ERICH1: variants seen among roughly 807,000 people sequenced by gnomAD.
ERICH1 encodes the protein glutamate rich 1.
In ERICH1, 56 loss-of-function variants were observed where a neutral mutation model predicts 39.6. The observed-to-expected ratio is 1.41, with a 90% CI of 1.14 to 1.77. The LOEUF (loss-of-function observed/expected upper bound fraction) is 1.77, where lower values mean the gene tolerates loss of function less well. ERICH1 is among the 40% of genes most tolerant of loss of function. The probability of loss-of-function intolerance (pLI) is 0.00; values close to 1 mark genes in which losing one functional copy is unlikely to be tolerated. For synonymous variants in ERICH1, 313 were observed against 223.6 expected, an observed-to-expected ratio of 1.40 and a Z score of -3.57; for missense variants, 826 against 575.4, an observed-to-expected ratio of 1.44 and a Z score of -4.45.
At chr8:681,799 G>A (rs1340172531) in intron 3 of ERICH1, among the ~76,000 whole-genome samples, 1 of 152,190 alleles carries the variant, frequency 6.6e-6, no homozygotes, top group African/African-American at 2.4e-5. Context: ...CTGAGCCTTC[G>A]TCAGGCTCCG....
intron 3 of ERICH1, among the ~76,000 whole-genome samples, chr8:622,838 G>A (rs1208909740): frequency 1.3e-5 from 2 of 152,020 alleles, no homozygotes; most frequent in East Asian, 1.9e-4. Context: ...CACACCTGTG[G>A]TCCCAGCAGC....
intron 3 of ERICH1, among the ~76,000 whole-genome samples, chr8:682,510 C>G (rs1472876604): frequency 6.6e-6 from 1 of 152,188 alleles, no homozygotes; most frequent in Non-Finnish European, 1.5e-5. Flanking sequence ...TCCAGAGACT[C>G]CAGAATGTCC....
chr8:670,304 C>T (rs1031890491), intron 4 of ERICH1, among the ~76,000 whole-genome samples: 11 of 151,352 alleles, frequency 7.3e-5, no homozygotes, highest in Admixed American at 4.0e-4. Context: ...CTGATAACAT[C>T]GGCCTCTCCC....
chr8:623,200 C>G (rs1224453261), intron 3 of ERICH1, among the ~76,000 whole-genome samples: 1 of 152,116 alleles, frequency 6.6e-6, no homozygotes, highest in Admixed American at 6.5e-5. Context: ...GAATTACACA[C>G]CATGAGTAAA....
chr8:670,342 C>G (rs551523241), intron 4 of ERICH1, among the ~76,000 whole-genome samples: 1 of 152,086 alleles, frequency 6.6e-6, no homozygotes, highest in Non-Finnish European at 1.5e-5. Context: ...CTTTTTTTCT[C>G]GTGGTTTTCG....
intron 3 of ERICH1, chr8:691,185 C>CACCAGGCGATCCTGACAGTCT (rs1554514004): frequency 3.3e-5 from 5 of 152,152 alleles, no homozygotes; most frequent in African/African-American, 1.2e-4. Flanking sequence ...AAGTCACTGG[C>CACCAGGCGATCCTGACAGTCT]GCCTGGAGAA....
chr8:674,556 G>C (rs562494614), intron 3 of ERICH1, among the ~76,000 whole-genome samples: 1 of 152,206 alleles, frequency 6.6e-6, no homozygotes, highest in African/African-American at 2.4e-5. Flanking sequence ...CACCTGCCTC[G>C]GGCTCCCAAA....
intron 3 of ERICH1, among the ~76,000 whole-genome samples, chr8:633,178 G>A (rs949845085): frequency 6.6e-6 from 1 of 151,836 alleles, no homozygotes; most frequent in Non-Finnish European, 1.5e-5. Context: ...GGGCCGCCCA[G>A]GACAGACGGA....
intron 3 of ERICH1, chr8:626,854 G>C: frequency 3.5e-6 from 1 of 285,390 alleles, no homozygotes; most frequent in Non-Finnish European, 7.3e-6. Flanking sequence ...CTCGGAGGCT[G>C]TCCAGGGAGA....
intron 3 of ERICH1, among the ~76,000 whole-genome samples, chr8:634,003 C>G (rs530676338): frequency 6.6e-6 from 1 of 151,990 alleles, no homozygotes; most frequent in Non-Finnish European, 1.5e-5. Flanking sequence ...AAGGCCCAGG[C>G]GACAACAGAA....
At chr8:703,257 T>G (rs941937353) in intron 2 of ERICH1, among the ~76,000 whole-genome samples, 1 of 152,088 alleles carries the variant, frequency 6.6e-6, no homozygotes. Context: ...ACAGACCAAG[T>G]GCACACACCC....
intron 3 of ERICH1, among the ~76,000 whole-genome samples, chr8:638,103 G>A (rs144216553): frequency 2.2e-4 from 33 of 152,376 alleles, no homozygotes; most frequent in Admixed American, 3.9e-4. Context: ...CAGCAGTCAG[G>A]CTGCGGGAGC....
At chr8:687,743 G>C (rs1030795078) in intron 3 of ERICH1, among the ~76,000 whole-genome samples, 1 of 152,094 alleles carries the variant, frequency 6.6e-6, no homozygotes, top group Non-Finnish European at 1.5e-5. Context: ...GCGCCCGGGG[G>C]AGCGCGCCAG....
At chr8:709,377 G>A (rs73521174) in intron 2 of ERICH1, among the ~76,000 whole-genome samples, 1 of 151,798 alleles carries the variant, frequency 6.6e-6, no homozygotes, top group Non-Finnish European at 1.5e-5. Flanking sequence ...CTCACCCTGG[G>A]GGGTTCAGCC....
intron 1 of ERICH1, among the ~76,000 whole-genome samples, chr8:719,114 G>A (rs1428907942): frequency 1.3e-5 from 2 of 152,102 alleles, no homozygotes; most frequent in Non-Finnish European, 2.9e-5. Context: ...TGCCTGGGCT[G>A]AGAGCCCGAC....
At chr8:641,499 G>A (rs771712696) in intron 3 of ERICH1, among the ~76,000 whole-genome samples, 6 of 152,222 alleles carry the variant, frequency 3.9e-5, no homozygotes, top group Non-Finnish European at 7.3e-5. Flanking sequence ...TAATTAGCTT[G>A]GTAAAGGTTA....
At chr8:681,700 G>C (rs946405500) in intron 3 of ERICH1, among the ~76,000 whole-genome samples, 1 of 152,196 alleles carries the variant, frequency 6.6e-6, no homozygotes, top group East Asian at 1.9e-4. Flanking sequence ...TCACTGTGCT[G>C]TTAGGTTTCC....
chr8:668,225 G>T (rs537613125), intron 5 of ERICH1: 99 of 298,668 alleles, frequency 3.3e-4, no homozygotes, highest in Middle Eastern at 1.2e-3. Flanking sequence ...CACGTCAGGG[G>T]TTCAATAAGG....
intron 3 of ERICH1, among the ~76,000 whole-genome samples, chr8:676,545 A>G (rs891428408): frequency 1.4e-4 from 21 of 151,516 alleles, no homozygotes; most frequent in African/African-American, 4.9e-4. Flanking sequence ...ACAGAGGCAC[A>G]CTACCCGTGC....
Sources: gnomAD v4.1 joint callset for allele counts (sites outside exome capture counted in the v4.1 genomes callset) on GRCh38, gnomAD v4.1.1 for gene constraint, MANE v1.5 for transcripts, NCBI Gene and HGNC (gene_info 2026-07-23, HGNC 2026-07-21) for gene names.